ERCC1: variants seen among roughly 807,000 people sequenced by gnomAD.
The protein encoded by ERCC1 is ERCC excision repair 1, endonuclease non-catalytic subunit.
ERCC1 carries 36 observed loss-of-function variants against 37.6 expected under a neutral mutation model. The observed-to-expected ratio is 0.96, with a 90% CI of 0.73 to 1.26. The LOEUF is 1.26. Ranked by LOEUF, ERCC1 falls within the 50% of genes most tolerant of loss-of-function variation. The pLI, the probability that ERCC1 is intolerant of heterozygous loss-of-function variation, is 0.00. For missense variants in ERCC1, 349 were observed against 376.5 expected, an observed-to-expected ratio of 0.93 and a Z score of 0.60; for synonymous variants, 156 against 162.1, an observed-to-expected ratio of 0.96 and a Z score of 0.28.
At position 45,407,657 on chromosome 19, in the gene ERCC1, T is replaced by C. The variant is rs1973426713; in HGVS notation, c.*2018A>G. The C allele has an allele frequency of 3.9e-6, 1 of 253,802 alleles. No homozygotes were observed. The highest frequency in any genetic ancestry group is 7.5e-6 in the Non-Finnish European group (1 of 132,984). 15.7% of individuals were successfully genotyped at this position (253,802 alleles called of 1,614,324 possible). A position where few individuals can be genotyped will look rare whatever the true frequency, so the allele number is the denominator to read the frequency against. On this transcript the variant is annotated 3_prime_UTR_variant, in exon 10 of 10. Transcript: ENST00000300853. ...GGCCATAAATATTCTGTAATTATAATTGGTGGTCAGCCTGGGATGTGGTTA... is the reference window on the plus strand; with the variant it reads ...GGCCATAAATATTCTGTAATTATAACTGGTGGTCAGCCTGGGATGTGGTTA...
At chr19:45,413,512 G>A (rs1323959297) in intron 9 of ERCC1, 165 bp downstream of exon 9, 1 of 1,497,402 alleles carries the variant, frequency 6.7e-7, no homozygotes, top group Admixed American at 1.7e-5. Context: ...CTGGCCTCAA[G>A]CAGTCCTCCC....
At chr19:45,419,222 T>G (rs1209126650) in intron 4 of ERCC1, 25 bp from the exon 5 acceptor site, 4 of 1,513,850 alleles carry the variant, frequency 2.6e-6, no homozygotes, top group Non-Finnish European at 3.6e-6. Flanking sequence ...GAGCGGGAGT[T>G]GAGAGGTCTC....
intron 2 of ERCC1, 113 bp from the exon 3 acceptor site, chr19:45,421,506 G>A: frequency 1.4e-6 from 1 of 739,712 alleles, no homozygotes; most frequent in Admixed American, 2.9e-5. Flanking sequence ...GTCTTGCTCT[G>A]TCACCCAGAC....
At chr19:45,409,895 A>ATTTTAT in intron 9 of ERCC1, 170 bp from the exon 10 acceptor site, 2 of 169,606 alleles carry the variant, frequency 1.2e-5, no homozygotes, top group African/African-American at 5.6e-5. Context: ...TATTATTATT[A>ATTTTAT]TTTTTTTTTT....
upstream of ERCC1, among the ~76,000 whole-genome samples, chr19:45,426,795 C>CA (rs561569547): frequency 6.8e-4 from 102 of 150,072 alleles, no homozygotes; most frequent in African/African-American, 2.3e-3. Flanking sequence ...CCCATCTCTA[C>CA]AAAAAAACAC....
intron 1 of ERCC1, among the ~76,000 whole-genome samples, chr19:45,433,588 T>C (rs572651414): frequency 6.6e-6 from 1 of 151,206 alleles, no homozygotes; most frequent in Non-Finnish European, 1.5e-5. Flanking sequence ...CTTAGGACGC[T>C]GAGGCCAGAG....
At chr19:45,425,311 G>C (rs3212925), upstream of ERCC1, among the ~76,000 whole-genome samples, 6 of 151,786 alleles carry the variant, frequency 4.0e-5, no homozygotes, top group African/African-American at 7.3e-5. Flanking sequence ...GTTCAGTGAG[G>C]GACACAGACA....
At chr19:45,435,340 G>A (rs2123585305) in intron 1 of ERCC1, among the ~76,000 whole-genome samples, 1 of 152,340 alleles carries the variant, frequency 6.6e-6, no homozygotes, top group Admixed American at 6.5e-5. Context: ...TACAGAGGGA[G>A]AAACTGAGGC....
chr19:45,408,198 G>A lies in ERCC1; in HGVS notation c.*1477C>T, dbSNP rs140862830. On this transcript the variant is annotated 3_prime_UTR_variant, in exon 10 of 10. Transcript: ENST00000300853. ...GTCAAGGGCAAATTGGCAGGCAAGC[G>A]GCACCGCTATCGAGTCCTCAGCAGC... The A allele has an allele frequency of 5.1e-5, 83 of 1,613,382 alleles. No homozygotes were observed. Among genetic ancestry groups the A allele is most frequent in the Non-Finnish European group, 6.4e-5 (76 of 1,179,588 alleles).
Position 45,409,387 on chromosome 19 carries a change from A to C in ERCC1, c.*288T>G. On this transcript the variant is annotated 3_prime_UTR_variant, in exon 10 of 10. Transcript: ENST00000300853. ...AGCAGAGTCAGGAAAGCCGGATGCC[A>C]GAGACAGTGCCCCAAGAGGAGATGC... is the stretch of plus-strand genomic sequence containing the variant. 1 of 1,614,078 alleles carries C rather than the reference A, an allele frequency of 6.2e-7. No homozygotes were observed. Among genetic ancestry groups the C allele is most frequent in the East Asian group, 2.2e-5 (1 of 44,876 alleles).
At chr19:45,412,827 C>A (rs910384296) in intron 9 of ERCC1, among the ~76,000 whole-genome samples, 1 of 151,676 alleles carries the variant, frequency 6.6e-6, no homozygotes, top group African/African-American at 2.4e-5. Flanking sequence ...GCAACCTCCA[C>A]CTCCCGGGTT....
chr19:45,409,406 G>GAGAT lies in ERCC1; in HGVS notation c.*265_*268dup. The GAGAT allele has an allele frequency of 6.2e-7, 1 of 1,613,912 alleles. No homozygotes were observed. The highest frequency in any genetic ancestry group is 8.5e-7 in the Non-Finnish European group (1 of 1,180,006). The stretch of plus-strand genomic sequence containing the variant: ...GATGCCAGAGACAGTGCCCCAAGAG[G>GAGAT]AGATGCCAGGGCCGCCACTGAATTC... On this transcript the variant is annotated 3_prime_UTR_variant, in exon 10 of 10. Transcript: ENST00000300853.
intron 1 of ERCC1, among the ~76,000 whole-genome samples, chr19:45,443,769 C>G (rs1356107181): frequency 6.6e-6 from 1 of 151,976 alleles, no homozygotes; most frequent in Non-Finnish European, 1.5e-5. Flanking sequence ...CTGATTCACC[C>G]TTGTTTCCGG....
intron 1 of ERCC1, among the ~76,000 whole-genome samples, chr19:45,447,874 A>T (rs1199790864): frequency 7.0e-5 from 10 of 142,778 alleles, no homozygotes; most frequent in Non-Finnish European, 1.5e-4. Flanking sequence ...TTTCTCTGAG[A>T]TTTTTTTTTT....
chr19:45,423,348 C>T lies in ERCC1; in HGVS notation c.27G>A (p.Gly9=). The change falls in exon 2 of 10, where the codon GGG becomes GGA. Residue 9 remains glycine, a synonymous_variant. Coordinates refer to ENST00000300853, the MANE Select transcript of ERCC1 (RefSeq NM_001983.4). The part of the protein sequence containing the change: MDPGKDKE[G]VPQPSGPPAR... ...CTGGCGGCCCTGAGGGCTGGGGCACCCCCTCTTTGTCCTTCCCAGGGTCCA... is the reference window on the plus strand; with the variant it reads ...CTGGCGGCCCTGAGGGCTGGGGCACTCCCTCTTTGTCCTTCCCAGGGTCCA... 6.2e-7 allele frequency: 1 copy of T among 1,613,520 alleles called. No individual in the cohort carries two copies. Among genetic ancestry groups the T allele is most frequent in the South Asian group, 1.1e-5 (1 of 90,888 alleles).
chr19:45,430,306 A>G (rs530605694), intron 1 of ERCC1, among the ~76,000 whole-genome samples: 2 of 152,338 alleles, frequency 1.3e-5, no homozygotes, highest in East Asian at 1.9e-4. Flanking sequence ...ACCGGCACGC[A>G]TGATTCTGAG....
intron 1 of ERCC1, among the ~76,000 whole-genome samples, chr19:45,434,811 T>C (rs948536810): frequency 2.0e-5 from 3 of 152,174 alleles, no homozygotes; most frequent in South Asian, 4.1e-4. Flanking sequence ...GTTTCGCTCT[T>C]GTTGCCCAGG....
In ERCC1 at chr19:45,408,865, G is replaced by A; in HGVS notation, c.*810C>T. On this transcript the variant is annotated 3_prime_UTR_variant, in exon 10 of 10. Coordinates refer to ENST00000300853, the MANE Select transcript of ERCC1 (RefSeq NM_001983.4). Reference sequence around the variant, plus strand: ...AGAGGCAAAAGGGGACGGAAGGGATGGAGCCAGAGGAGGGGGTGACAGTTG... The same window carrying A: ...AGAGGCAAAAGGGGACGGAAGGGATAGAGCCAGAGGAGGGGGTGACAGTTG... The A allele has an allele frequency of 6.2e-7, 1 of 1,614,210 alleles. No homozygotes were observed. Among genetic ancestry groups the A allele is most frequent in the Non-Finnish European group, 8.5e-7 (1 of 1,180,036 alleles).
upstream of ERCC1, among the ~76,000 whole-genome samples, chr19:45,427,508 G>C (rs1218687777): frequency 6.6e-6 from 1 of 151,988 alleles, no homozygotes; most frequent in Non-Finnish European, 1.5e-5. Context: ...CCAGCTACTC[G>C]GGAGGCTGAG....
Sources: gnomAD v4.1 joint callset for allele counts (sites outside exome capture counted in the v4.1 genomes callset) on GRCh38, gnomAD v4.1.1 for gene constraint, MANE v1.5 for transcripts, NCBI Gene and HGNC (gene_info 2026-07-23, HGNC 2026-07-21) for gene names.